TUT4: variants seen among roughly 807,000 people sequenced by gnomAD.
TUT4 encodes the protein terminal uridylyl transferase 4.
A neutral mutation model predicts 192.2 loss-of-function variants in TUT4; 36 were observed. The observed-to-expected ratio is 0.19, with a 90% CI of 0.14 to 0.25. The LOEUF (loss-of-function observed/expected upper bound fraction) is 0.25. Among genes scored for constraint, TUT4 ranks in the 10% least tolerant of loss-of-function variants. TUT4 has a pLI of 1.00. For missense variants in TUT4, 1,493 were observed against 1,957.2 expected (o/e 0.76, Z 4.47); for synonymous variants, 618 against 666.0 (o/e 0.93, Z 1.11).
chr1:52,465,258 A>C, intron 15 of TUT4, 85 bp from the exon 16 acceptor site: 1 of 812,990 alleles, frequency 1.2e-6, no homozygotes, highest in Non-Finnish European at 1.9e-6. Context: ...CTAATACAAC[A>C]TGCTCTTGTC....
intron 3 of TUT4, among the ~76,000 whole-genome samples, chr1:52,511,520 G>C (rs1341758533): frequency 2.6e-5 from 4 of 152,118 alleles, no homozygotes; most frequent in Non-Finnish European, 5.9e-5. Context: ...AAATATGCCT[G>C]GGGTCGGGGG....
At chr1:52,507,048 C>T (rs1372346577) in intron 4 of TUT4, among the ~76,000 whole-genome samples, 1 of 152,224 alleles carries the variant, frequency 6.6e-6, no homozygotes, top group Non-Finnish European at 1.5e-5. Flanking sequence ...CAAGATTCTT[C>T]TGAGTACTCT....
chr1:52,493,725 G>T, intron 6 of TUT4, 63 bp from the exon 7 acceptor site: 3 of 1,001,862 alleles, frequency 3.0e-6, no homozygotes, highest in Non-Finnish European at 4.6e-6. Flanking sequence ...AGAACATTAA[G>T]GAAAACTCAA....
intron 14 of TUT4, among the ~76,000 whole-genome samples, chr1:52,470,735 C>T (rs989200076): frequency 1.3e-5 from 2 of 152,044 alleles, no homozygotes; most frequent in Admixed American, 6.5e-5. Context: ...AAAGTAGTTG[C>T]CTGGTGGGAG....
At chr1:52,426,119 C>G (rs1426440256) in intron 28 of TUT4, among the ~76,000 whole-genome samples, 2 of 152,106 alleles carry the variant, frequency 1.3e-5, no homozygotes, top group African/African-American at 4.8e-5. Flanking sequence ...TATATCTTGG[C>G]CTGGAAGGAG....
At chr1:52,451,101 T>A (rs369249450) in intron 20 of TUT4, among the ~76,000 whole-genome samples, 1 of 151,792 alleles carries the variant, frequency 6.6e-6, no homozygotes, top group Non-Finnish European at 1.5e-5. Context: ...CCATCTCTAC[T>A]AAAAATACAA....
chr1:52,427,805 CT>C (rs1438659913), intron 28 of TUT4, among the ~76,000 whole-genome samples: 1 of 152,182 alleles, frequency 6.6e-6, no homozygotes, highest in Non-Finnish European at 1.5e-5. Flanking sequence ...GTAAAACAGG[CT>C]GATAAAACCT....
intron 11 of TUT4, among the ~76,000 whole-genome samples, chr1:52,479,810 C>T (rs910809419): frequency 1.2e-4 from 18 of 151,708 alleles, no homozygotes; most frequent in South Asian, 4.2e-4. Flanking sequence ...CTGGCTAACA[C>T]GGTGAAACCC....
In TUT4 at chr1:52,495,442, T is replaced by C; in HGVS notation, c.1251A>G (p.Ile417Met). The C allele has an allele frequency of 2.5e-6, 4 of 1,605,684 alleles. No homozygotes were observed. The highest frequency in any genetic ancestry group is 3.4e-6 in the Non-Finnish European group (4 of 1,174,790). ...AATTACTTACCTTGGGAGGAAATTT[T>C]ATATCTATATTAACATCACTACTTT... Reference protein sequence around the residue: ...ALKSSDVNIDIKFPPKMNHPD... With the variant: ...ALKSSDVNIDMKFPPKMNHPD... The change falls in exon 6 of 30, where the codon ATA (isoleucine) becomes ATG (methionine). Residue 417 changes from isoleucine to methionine, a missense_variant. Physicochemically the swap from Ile to Met is conservative, Grantham distance 10. Coordinates refer to ENST00000257177, the MANE Select transcript of TUT4 (RefSeq NM_001009881.3).
chr1:52,481,544 C>T lies in TUT4; in HGVS notation c.1727G>A (p.Ser576Asn), dbSNP rs1434550061. ...AGCAATTGAGTTTTTCTCAGTTGCA[C>T]TACTTGAATTACATTCCCACTTCAC... ...KFVKWECNSS[S>N]ATEKNSIAEE... The change falls in exon 11 of 30, where the codon AGT (serine) becomes AAT (asparagine). Residue 576 changes from serine to asparagine, a missense_variant. Coordinates refer to ENST00000257177, the MANE Select transcript of TUT4 (RefSeq NM_001009881.3). The T allele has an allele frequency of 3.1e-6, 5 of 1,613,772 alleles. No homozygotes were observed. The Admixed American group carries it at 5.0e-5, about 16-fold the overall frequency.
chr1:52,519,239 GA>G (rs1679552718), intron 2 of TUT4, among the ~76,000 whole-genome samples: 1 of 151,956 alleles, frequency 6.6e-6, no homozygotes, highest in African/African-American at 2.4e-5. Flanking sequence ...AATTAACTTT[GA>G]AAAAAATATG....
intron 13 of TUT4, 69 bp from the exon 14 acceptor site, chr1:52,472,171 T>C (rs1224782308): frequency 7.2e-7 from 1 of 1,393,932 alleles, no homozygotes; most frequent in Non-Finnish European, 9.8e-7. Flanking sequence ...GGAAGTGAAT[T>C]CAAAACAAAT....
chr1:52,431,290 G>A lies in TUT4; in HGVS notation c.4434C>T (p.Pro1478=), dbSNP rs780549636. The part of the protein sequence containing the change: ...HQVQMPLYNF[P]QSPPAQYSPM... ...GAGAATACTGAGCTGGTGGTGACTG[G>A]GGAAAGTTATACAGTGGCATCTGGA... Residue 1478 remains proline, a synonymous_variant, in exon 28 of 30, where the codon CCC becomes CCT. Coordinates refer to ENST00000257177, the MANE Select transcript of TUT4 (RefSeq NM_001009881.3). The A allele has an allele frequency of 1.2e-6, 2 of 1,614,020 alleles. No individual in the cohort carries two copies. The highest frequency in any genetic ancestry group is 1.7e-6 in the Non-Finnish European group (2 of 1,180,036).
intron 24 of TUT4, among the ~76,000 whole-genome samples, chr1:52,440,433 GTTTTTTTTTT>G (rs908687717): frequency 9.1e-6 from 1 of 110,186 alleles, no homozygotes; most frequent in African/African-American, 3.2e-5. Context: ...CCCATCCTGT[GTTTTTTTTTT>G]TTTTTTTTTT....
chr1:52,487,068 C>T (rs902704104), intron 9 of TUT4, among the ~76,000 whole-genome samples: 2 of 152,086 alleles, frequency 1.3e-5, no homozygotes, highest in African/African-American at 4.8e-5. Context: ...GAAGTATATT[C>T]TCATGAATTA....
intron 3 of TUT4, 39 bp from the exon 4 acceptor site, chr1:52,509,751 A>T: frequency 8.7e-7 from 1 of 1,154,658 alleles, no homozygotes; most frequent in Non-Finnish European, 1.3e-6. Context: ...TTATTCAGAA[A>T]ACAGAGGAGT....
At chr1:52,429,248 TG>T (rs1307146239) in intron 28 of TUT4, among the ~76,000 whole-genome samples, 6 of 151,374 alleles carry the variant, frequency 4.0e-5, no homozygotes, top group Non-Finnish European at 8.8e-5. Flanking sequence ...CACGCTCAGC[TG>T]ATTTTTTGTA....
At chr1:52,464,357 C>T (rs564354013) in intron 16 of TUT4, among the ~76,000 whole-genome samples, 3 of 152,122 alleles carry the variant, frequency 2.0e-5, no homozygotes, top group African/African-American at 4.8e-5. Context: ...TGGGTTCAAG[C>T]GATTCTCCTG....
upstream of TUT4, chr1:52,553,211 G>A (rs1290572259): frequency 1.3e-5 from 2 of 152,586 alleles, no homozygotes; most frequent in African/African-American, 4.8e-5. Flanking sequence ...GAGAGGGGGA[G>A]GGGAGAGGAC....
Sources: allele counts gnomAD v4.1 joint callset (sites outside exome capture counted in the v4.1 genomes callset), GRCh38; gene constraint gnomAD v4.1.1; transcripts MANE v1.5; gene names NCBI Gene and HGNC (gene_info 2026-07-23, HGNC 2026-07-21).